The following CACNA1A variants were observed in gnomAD, a reference collection of about 807,000 sequenced individuals.
CACNA1A encodes calcium voltage-gated channel subunit alpha1 A.
In CACNA1A, 57 loss-of-function variants were observed where a neutral mutation model predicts 262.4. That is an observed-to-expected ratio of 0.22 (90% CI 0.18 to 0.27). CACNA1A has a LOEUF of 0.27. Ranked by LOEUF, CACNA1A falls within the 10% of genes least tolerant of loss-of-function variation. The probability of loss-of-function intolerance (pLI) is 1.00; values close to 1 mark genes in which losing one functional copy is unlikely to be tolerated. For missense variants in CACNA1A, 2,526 were observed against 3,562.8 expected, an observed-to-expected ratio of 0.71 and a Z score of 7.41; for synonymous variants, 1,431 against 1,419.3, an observed-to-expected ratio of 1.01 and a Z score of -0.18.
intron 27 of CACNA1A, chr19:13,259,297 C>A (rs1433947963): frequency 4.8e-6 from 1 of 208,188 alleles, no homozygotes; most frequent in African/African-American, 2.5e-5. Context: ...AGGTGTGAGC[C>A]ACCATGCCTG....
chr19:13,474,008 C>A (rs1218888209), intron 1 of CACNA1A, among the ~76,000 whole-genome samples: 1 of 152,210 alleles, frequency 6.6e-6, no homozygotes, highest in African/African-American at 2.4e-5. Flanking sequence ...ACTGGTTCTG[C>A]CATCCATGAA....
intron 1 of CACNA1A, among the ~76,000 whole-genome samples, chr19:13,490,347 G>C (rs1346070017): frequency 1.3e-5 from 2 of 152,178 alleles, no homozygotes; most frequent in Non-Finnish European, 2.9e-5. Context: ...GCTCACGCCT[G>C]TAATGCCAGC....
intron 30 of CACNA1A, among the ~76,000 whole-genome samples, chr19:13,250,678 G>T (rs1043321092): frequency 2.0e-5 from 3 of 152,156 alleles, no homozygotes; most frequent in Non-Finnish European, 2.9e-5. Flanking sequence ...TTACAGGTGT[G>T]AGCCACCGCA....
intron 1 of CACNA1A, among the ~76,000 whole-genome samples, chr19:13,495,323 G>T (rs1238710244): frequency 2.0e-5 from 3 of 152,006 alleles, no homozygotes; most frequent in African/African-American, 7.3e-5. Context: ...TTGAGATGGA[G>T]TCTCGTTCTG....
intron 22 of CACNA1A, 119 bp from the exon 23 acceptor site, chr19:13,277,247 G>A (rs1223890496): frequency 8.9e-6 from 6 of 674,892 alleles, no homozygotes; most frequent in South Asian, 6.9e-5. Context: ...AAACACAGCT[G>A]CTATATACAG....
At chr19:13,292,277 T>C (rs2057558099) in intron 19 of CACNA1A, among the ~76,000 whole-genome samples, 1 of 151,734 alleles carries the variant, frequency 6.6e-6, no homozygotes, top group African/African-American at 2.4e-5. Flanking sequence ...GAAAGACAGA[T>C]GAAGGTAGGA....
intron 37 of CACNA1A, 69 bp from the exon 38 acceptor site, chr19:13,224,841 C>T (rs144943245): frequency 1.3e-5 from 15 of 1,129,010 alleles, no homozygotes; most frequent in South Asian, 4.1e-5. Context: ...GAGCCGCGCC[C>T]GCCCCTACCC....
intron 30 of CACNA1A, among the ~76,000 whole-genome samples, chr19:13,251,262 T>A (rs2056387223): frequency 6.6e-6 from 1 of 151,334 alleles, no homozygotes. Context: ...GGCGGGCGGA[T>A]CATGAGGTCA....
In CACNA1A at chr19:13,317,305, T is replaced by A. The variant is rs2058147125; in HGVS notation, c.1362A>T (p.Arg454=). 4.4e-6 allele frequency: 7 copies of A among 1,605,346 alleles called. No individual in the cohort carries two copies. Among genetic ancestry groups the A allele is most frequent in the Non-Finnish European group, 8.5e-7 (1 of 1,172,764 alleles). The stretch of plus-strand genomic sequence containing the variant: ...CCAGCTTGGCACTTTTAATGCTGGC[T>A]CGGGCGAAGGGAGAACCTGCCAGGG... The part of the protein sequence containing the change: ...DIASVGSPFA[R]ASIKSAKLEN... The change falls in exon 11 of 47, where the codon CGA becomes CGT. Residue 454 remains arginine (R), a synonymous_variant. Coordinates refer to ENST00000360228, the MANE Select transcript of CACNA1A (RefSeq NM_001127222.2).
At chr19:13,365,922 A>C (rs1045723190) in intron 4 of CACNA1A, 1 of 152,902 alleles carries the variant, frequency 6.5e-6, no homozygotes, top group African/African-American at 2.4e-5. Flanking sequence ...CAAACTCCTC[A>C]GCCTCCTAAA....
In CACNA1A at chr19:13,241,552, GGGAGC is replaced by G; in HGVS notation, c.4950+3625_4950+3629del. On this transcript the variant is annotated intron_variant, in intron 31 of 46. Coordinates refer to ENST00000360228, the MANE Select transcript of CACNA1A (RefSeq NM_001127222.2). This position sits in a 1 kb window ranked among gnomAD's most constrained non-coding sequence, Gnocchi z 4.0. ...CTAGATGCAGATGTTGAAGATGAGG[GGGAGC>G]GGGCGGGCGGGGGCAGTTGGGGAGG... 1 of 1,324,148 alleles carries G rather than the reference GGGAGC, an allele frequency of 7.6e-7. No individual in the cohort carries two copies. The highest frequency in any genetic ancestry group is 1.1e-6 in the Non-Finnish European group (1 of 948,844). The allele number at this position is 1,324,148 out of a possible 1,614,324, so 82.0% of individuals were successfully genotyped here.
intron 2 of CACNA1A, among the ~76,000 whole-genome samples, chr19:13,453,466 T>C (rs771224535): frequency 2.0e-5 from 3 of 152,168 alleles, no homozygotes; most frequent in Non-Finnish European, 2.9e-5. Context: ...ATGGAAAGCA[T>C]TGGTTTAGAG....
rs951814196 is a variant in CACNA1A, at chr19:13,224,599, G to C, written c.5731+68C>G. On this transcript the variant is annotated intron_variant, in intron 38 of 46. Transcript: ENST00000360228. ...GGTGACAGCAGATCCTCTAGTTTGG[G>C]GTAGGGAGGGAGATCCCCGGTTCCA... The C allele has an allele frequency of 3.9e-6, 4 of 1,022,290 alleles. No homozygotes were observed. The African/African-American group carries it at 4.8e-5, about 12-fold the overall frequency. 63.3% of individuals were successfully genotyped at this position (1,022,290 alleles called of 1,614,324 possible). A position where few individuals can be genotyped will look rare whatever the true frequency, so the allele number is the denominator to read the frequency against.
At chr19:13,438,951 C>T (rs996266761) in intron 3 of CACNA1A, among the ~76,000 whole-genome samples, 1 of 152,000 alleles carries the variant, frequency 6.6e-6, no homozygotes, top group Non-Finnish European at 1.5e-5. Context: ...GTTGGCCAGG[C>T]TGGTCTCAAA....
intron 44 of CACNA1A, among the ~76,000 whole-genome samples, chr19:13,210,070 G>A (rs1413651401): frequency 6.6e-6 from 1 of 151,876 alleles, no homozygotes; most frequent in African/African-American, 2.4e-5. Context: ...AAGCTAGGGA[G>A]CTCTGGGTGG....
intron 23 of CACNA1A, 69 bp from the exon 24 acceptor site, chr19:13,276,025 C>T: frequency 1.0e-6 from 1 of 986,130 alleles, no homozygotes. Flanking sequence ...GCCACCCACT[C>T]TCTAGCCTCT....
chr19:13,222,846 C>A (rs1255126551), intron 38 of CACNA1A, among the ~76,000 whole-genome samples: 1 of 151,542 alleles, frequency 6.6e-6, no homozygotes, highest in Admixed American at 6.6e-5. Flanking sequence ...AGGCGCCCAC[C>A]ATGACACCCG....
At chr19:13,333,043 A>C (rs1600353788) in intron 8 of CACNA1A, 118 bp from the exon 9 acceptor site, 2 of 717,120 alleles carry the variant, frequency 2.8e-6, no homozygotes, top group Non-Finnish European at 4.8e-6. Flanking sequence ...GTGACAGCTC[A>C]ACCGACCAAA....
chr19:13,235,882 C>A, intron 31 of CACNA1A, 152 bp from the exon 32 acceptor site: 6 of 582,558 alleles, frequency 1.0e-5, no homozygotes, highest in Admixed American at 3.0e-5. Context: ...ACTATTAATG[C>A]AATGATGCAG....
Sources: allele counts gnomAD v4.1 joint callset (sites outside exome capture counted in the v4.1 genomes callset), GRCh38; gene constraint gnomAD v4.1.1; non-coding constraint Gnocchi (gnomAD v3.1); transcripts MANE v1.5; gene names NCBI Gene and HGNC (gene_info 2026-07-23, HGNC 2026-07-21).